Variants in RAPGEF4 observed in about 807,000 individuals in gnomAD.
RAPGEF4 encodes Rap guanine nucleotide exchange factor 4.
RAPGEF4 carries 66 observed loss-of-function variants against 147.9 expected under a neutral mutation model. That is an observed-to-expected ratio of 0.45 (90% CI 0.37 to 0.55). The LOEUF (loss-of-function observed/expected upper bound fraction) is 0.55. RAPGEF4 is among the 20% of genes least tolerant of loss of function. The pLI is 0.00. For missense variants in RAPGEF4, 1,071 were observed against 1,257.3 expected (o/e 0.85, Z 2.24); for synonymous variants, 419 against 442.7 (o/e 0.95, Z 0.67).
intron 1 of RAPGEF4, among the ~76,000 whole-genome samples, chr2:172,781,937 C>T (rs933251318): frequency 1.1e-4 from 16 of 152,152 alleles, no homozygotes; most frequent in Non-Finnish European, 1.8e-4. Context: ...ATTCTTCAGA[C>T]GCAGAACCCA....
rs140471193 is a variant in RAPGEF4, at chr2:172,873,078, C to CT, written c.445-44721dup. On this transcript the variant is annotated intron_variant, in intron 4 of 30. Transcript: ENST00000397081. ...TCAGACTCCTTAATTGAAGATGCAACTTTGGAGGACAGAGTGTAAATCATT... is the reference window on the plus strand; with the variant it reads ...TCAGACTCCTTAATTGAAGATGCAACTTTTGGAGGACAGAGTGTAAATCATT... Among the ~76,000 whole-genome samples the CT allele has an allele frequency of 3.5e-3, 530 of 152,274 alleles. 3 individuals are homozygous for CT. Among genetic ancestry groups the CT allele is most frequent in the African/African-American group, 0.012 (516 of 41,564 alleles).
At chr2:172,926,607 C>G (rs915775243) in intron 6 of RAPGEF4, among the ~76,000 whole-genome samples, 26 of 152,092 alleles carry the variant, frequency 1.7e-4, no homozygotes, top group African/African-American at 6.0e-4. Flanking sequence ...GAGTCTCGCT[C>G]TGTCACCAGG....
At chr2:172,917,599 T>C in intron 4 of RAPGEF4, 1 of 676,938 alleles carries the variant, frequency 1.5e-6, no homozygotes, top group Non-Finnish European at 2.7e-6. Flanking sequence ...CCCGGGCACA[T>C]TCAGTCTTAT....
intron 18 of RAPGEF4, among the ~76,000 whole-genome samples, chr2:173,015,327 A>T (rs1397161422): frequency 6.6e-6 from 1 of 152,206 alleles, no homozygotes; most frequent in Non-Finnish European, 1.5e-5. Context: ...CTGACATTTA[A>T]GCTCAATTAG....
At chr2:173,020,175 T>C (rs1440488463) in intron 22 of RAPGEF4, among the ~76,000 whole-genome samples, 1 of 152,216 alleles carries the variant, frequency 6.6e-6, no homozygotes, top group Non-Finnish European at 1.5e-5. Flanking sequence ...GCCCTGCAAA[T>C]TAGGGAATAA....
Position 173,020,695 on chromosome 2 carries a change from C to T in RAPGEF4, c.2233C>T (p.Arg745Ter), listed in dbSNP as rs2105919541. Residue 745 changes from arginine to a stop codon, truncating the protein, a stop_gained, in exon 23 of 31, where the codon CGA (arginine) becomes TGA (stop). Coordinates refer to ENST00000397081, the MANE Select transcript of RAPGEF4 (RefSeq NM_007023.4). LOFTEE classifies it high-confidence loss of function. ...TAATGGACGCCTGTTTGCTTGCCCG[C>T]GAGAGCAATTCGATTCACTGGTAGG... Reference protein sequence around the residue: ...TINGRLFACPREQFDSLTPLP... With the variant: ...TINGRLFACP 1.2e-6 allele frequency: 2 copies of T among 1,613,606 alleles called. No homozygotes were observed. Among genetic ancestry groups the T allele is most frequent in the Non-Finnish European group, 1.7e-6 (2 of 1,179,718 alleles).
rs749837310 is a variant in RAPGEF4, at chr2:173,016,358, G to A, written c.1819G>A (p.Val607Ile). The A allele has an allele frequency of 3.1e-6, 5 of 1,612,422 alleles. No individual in the cohort carries two copies. The African/African-American group carries it at 5.3e-5, about 17-fold the overall frequency. ...VSMAFLEEFY[V>I]SVSDDARMIA... is the part of the protein sequence containing the mutation. ...CTTTTGCCAATTACAGGAGTTTTAT[G>A]TATCTGTATCAGATGATGCCCGGAT... Residue 607 changes from valine to isoleucine, a missense_variant, in exon 19 of 31, where the codon GTA (valine) becomes ATA (isoleucine). Coordinates refer to ENST00000397081, the MANE Select transcript of RAPGEF4 (RefSeq NM_007023.4).
intron 12 of RAPGEF4, among the ~76,000 whole-genome samples, chr2:172,987,429 A>T (rs1692378639): frequency 6.6e-6 from 1 of 152,162 alleles, no homozygotes; most frequent in Non-Finnish European, 1.5e-5. Context: ...GATCATTCTA[A>T]CTCACTTTTT....
At chr2:173,013,633 G>T (rs1418932542) in intron 17 of RAPGEF4, among the ~76,000 whole-genome samples, 2 of 152,160 alleles carry the variant, frequency 1.3e-5, no homozygotes, top group African/African-American at 4.8e-5. Flanking sequence ...GAATGGACCA[G>T]GGACCTTTAC....
intron 25 of RAPGEF4, among the ~76,000 whole-genome samples, chr2:173,028,649 G>A (rs1404863090): frequency 6.6e-6 from 1 of 152,030 alleles, no homozygotes; most frequent in African/African-American, 2.4e-5. Context: ...ATTAGTTTAT[G>A]TTATTTAACC....
intron 4 of RAPGEF4, among the ~76,000 whole-genome samples, chr2:172,874,238 C>A (rs1471411345): frequency 6.6e-6 from 1 of 152,148 alleles, no homozygotes; most frequent in Non-Finnish European, 1.5e-5. Flanking sequence ...ATTATAAAGA[C>A]ACGTGCACGT....
chr2:172,887,725 C>T (rs6745058), intron 4 of RAPGEF4, among the ~76,000 whole-genome samples: 13 of 152,104 alleles, frequency 8.5e-5, no homozygotes, highest in African/African-American at 2.9e-4. Context: ...ACTCCTGTCT[C>T]TTCTCACAGT....
rs367776654 is a variant in RAPGEF4, at chr2:172,784,932, T to C, written c.66-10093T>C. Among the ~76,000 whole-genome samples, 606 of 152,298 alleles carry C rather than the reference T, an allele frequency of 4.0e-3. 3 individuals carry two copies. The highest frequency in any genetic ancestry group is 0.014 in the African/African-American group (589 of 41,556). The stretch of plus-strand genomic sequence containing the variant: ...CCTCCACCTCCCGGGTTCAAGTGTT[T>C]CTCCTGCCTCAGCCTCCCGAGTAGC... On this transcript the variant is annotated intron_variant, in intron 1 of 30. Coordinates refer to ENST00000397081, the MANE Select transcript of RAPGEF4 (RefSeq NM_007023.4).
chr2:172,935,467 A>G (rs12465032), intron 6 of RAPGEF4, among the ~76,000 whole-genome samples: 124,121 of 152,058 alleles, frequency 0.82, 52,517 homozygotes, highest in East Asian at 0.98. Flanking sequence ...ATGATGGGAA[A>G]TGAGAGCTGT....
At chr2:172,839,498 G>T (rs897034892) in intron 4 of RAPGEF4, among the ~76,000 whole-genome samples, 5 of 152,086 alleles carry the variant, frequency 3.3e-5, no homozygotes, top group Non-Finnish European at 5.9e-5. Context: ...TGGTGGGAGT[G>T]TAACAGTGAG....
chr2:172,916,811 G>T (rs1684121846), intron 4 of RAPGEF4, among the ~76,000 whole-genome samples: 1 of 152,336 alleles, frequency 6.6e-6, no homozygotes, highest in East Asian at 1.9e-4. Flanking sequence ...CGTGCTGCCA[G>T]CTGCCCATTG....
chr2:173,011,026 A>C (rs1396735065), intron 17 of RAPGEF4, among the ~76,000 whole-genome samples: 3 of 152,166 alleles, frequency 2.0e-5, no homozygotes, highest in African/African-American at 7.2e-5. Flanking sequence ...AAAAGGGAGA[A>C]AGCCTTTCCC....
intron 4 of RAPGEF4, among the ~76,000 whole-genome samples, chr2:172,827,971 C>A (rs1021337119): frequency 5.9e-5 from 9 of 152,236 alleles, no homozygotes; most frequent in South Asian, 2.1e-4. Flanking sequence ...AGTTGTAGTG[C>A]CTCTATTAAT....
chr2:172,753,677 A>T (rs1010018425), intron 1 of RAPGEF4, among the ~76,000 whole-genome samples: 6 of 152,144 alleles, frequency 3.9e-5, no homozygotes, highest in Admixed American at 2.0e-4. Flanking sequence ...AATTAGTAAT[A>T]AGTGAAATTA....
Sources: gnomAD v4.1 joint callset for allele counts (sites outside exome capture counted in the v4.1 genomes callset) on GRCh38, gnomAD v4.1.1 for gene constraint, MANE v1.5 for transcripts, NCBI Gene and HGNC (gene_info 2026-07-23, HGNC 2026-07-21) for gene names.